Variants in RBFOX1 observed in about 807,000 individuals in gnomAD.
RBFOX1 encodes the protein RNA binding fox-1 homolog 1, also known as RNA binding protein fox-1 homolog 1.
In RBFOX1, 8 loss-of-function variants were observed where a neutral mutation model predicts 57.7. The observed-to-expected ratio is 0.14, with a 90% CI of 0.08 to 0.25. The LOEUF is 0.25. RBFOX1 is among the 10% of genes least tolerant of loss of function. The pLI is 1.00. For synonymous variants in RBFOX1, 326 were observed against 222.4 expected (o/e 1.47, Z -4.15); for missense variants, 611 against 548.5 (o/e 1.11, Z -1.14).
chr16:5,380,624 T>C (rs1156777902), intron 1 of RBFOX1, among the ~76,000 whole-genome samples: 2 of 152,176 alleles, frequency 1.3e-5, no homozygotes, highest in South Asian at 4.1e-4. Flanking sequence ...AGCTAAGCAT[T>C]TTTTAGGCAT....
At chr16:6,150,615 A>G (rs1435208858) in intron 1 of RBFOX1, among the ~76,000 whole-genome samples, 2 of 152,038 alleles carry the variant, frequency 1.3e-5, no homozygotes, top group Non-Finnish European at 2.9e-5. Context: ...TTCTCTGCAT[A>G]TTCTGTTTAT....
chr16:6,940,684 G>A (rs1855835099), intron 3 of RBFOX1, among the ~76,000 whole-genome samples: 3 of 151,840 alleles, frequency 2.0e-5, no homozygotes, highest in South Asian at 4.1e-4. Context: ...TGCAAGCTCC[G>A]CCTCCCGGGT....
chr16:7,030,784 T>G (rs1211039888), intron 3 of RBFOX1, among the ~76,000 whole-genome samples: 1 of 152,194 alleles, frequency 6.6e-6, no homozygotes, highest in Non-Finnish European at 1.5e-5. Context: ...GGGGTCTAAT[T>G]AAGGCCCTCA....
intron 1 of RBFOX1, among the ~76,000 whole-genome samples, chr16:6,238,785 T>C (rs2097524704): frequency 6.6e-6 from 1 of 152,202 alleles, no homozygotes; most frequent in South Asian, 2.1e-4. Context: ...TTTTTGTGGT[T>C]GTATATATTT....
chr16:6,657,858 A>T (rs2098671156), intron 3 of RBFOX1, among the ~76,000 whole-genome samples: 1 of 151,114 alleles, frequency 6.6e-6, no homozygotes, highest in Admixed American at 6.6e-5. Flanking sequence ...TACTTTAGTT[A>T]AGGGAGCTTC....
chr16:6,754,239 T>A (rs1353683246), intron 3 of RBFOX1, among the ~76,000 whole-genome samples: 1 of 152,172 alleles, frequency 6.6e-6, no homozygotes, highest in Non-Finnish European at 1.5e-5. Context: ...ATGACAATGT[T>A]CACCTGCTTT....
At chr16:6,922,645 C>A (rs570684900) in intron 3 of RBFOX1, among the ~76,000 whole-genome samples, 1 of 152,226 alleles carries the variant, frequency 6.6e-6, no homozygotes, top group East Asian at 1.9e-4. Context: ...GTGCAGCCAC[C>A]TGTAAGCCAG....
At chr16:7,255,856 G>A (rs1263822688) in intron 4 of RBFOX1, among the ~76,000 whole-genome samples, 2 of 152,086 alleles carry the variant, frequency 1.3e-5, no homozygotes, top group African/African-American at 4.8e-5. Context: ...TTTCAGATCA[G>A]TCACATTTCA....
At chr16:6,964,288 G>C (rs944049589) in intron 3 of RBFOX1, among the ~76,000 whole-genome samples, 5 of 152,202 alleles carry the variant, frequency 3.3e-5, no homozygotes, top group African/African-American at 1.2e-4. Context: ...CAAAGTGGTG[G>C]GATTATAGGC....
chr16:6,953,890 G>A (rs1276916167), intron 3 of RBFOX1, among the ~76,000 whole-genome samples: 2 of 152,094 alleles, frequency 1.3e-5, no homozygotes, highest in East Asian at 1.9e-4. Flanking sequence ...AGTTGTTGAC[G>A]TAAAGTTTTT....
chr16:7,236,380 A>G (rs1286361065), intron 4 of RBFOX1, among the ~76,000 whole-genome samples: 4 of 152,158 alleles, frequency 2.6e-5, no homozygotes, highest in Non-Finnish European at 5.9e-5. Context: ...TTTTGTCTAG[A>G]GGGGCGTACC....
chr16:7,013,177 C>G (rs760224243), intron 3 of RBFOX1, among the ~76,000 whole-genome samples: 7 of 152,178 alleles, frequency 4.6e-5, no homozygotes, highest in Non-Finnish European at 1.0e-4. Flanking sequence ...CTCTGATACT[C>G]ATTGGCTTTG....
At chr16:6,985,291 C>G (rs776089457) in intron 3 of RBFOX1, among the ~76,000 whole-genome samples, 1 of 152,204 alleles carries the variant, frequency 6.6e-6, no homozygotes, top group Non-Finnish European at 1.5e-5. Context: ...TTTTACATGT[C>G]CTTCAATTAA....
chr16:6,524,700 C>T (rs924951810), intron 2 of RBFOX1, among the ~76,000 whole-genome samples: 1 of 152,186 alleles, frequency 6.6e-6, no homozygotes, highest in South Asian at 2.1e-4. Flanking sequence ...CTGGGCCATG[C>T]TCCCTGTGAG....
intron 3 of RBFOX1, among the ~76,000 whole-genome samples, chr16:6,839,403 G>A (rs940631114): frequency 5.3e-5 from 8 of 152,214 alleles, no homozygotes; most frequent in Non-Finnish European, 1.0e-4. Context: ...CGTCACTGCT[G>A]TGGAAACATC....
chr16:7,193,623 A>G (rs940822018), intron 4 of RBFOX1, among the ~76,000 whole-genome samples: 15 of 152,168 alleles, frequency 9.9e-5, no homozygotes, highest in Non-Finnish European at 2.2e-4. Flanking sequence ...TACATTGTGT[A>G]TTCTGCTTTA....
At chr16:6,803,428 C>T (rs1278424731) in intron 3 of RBFOX1, among the ~76,000 whole-genome samples, 1 of 152,248 alleles carries the variant, frequency 6.6e-6, no homozygotes, top group East Asian at 1.9e-4. Flanking sequence ...GTGAGAGTGG[C>T]GTTCTGGCCT....
intron 4 of RBFOX1, among the ~76,000 whole-genome samples, chr16:5,937,448 G>A (rs549358254): frequency 2.0e-5 from 3 of 152,218 alleles, no homozygotes; most frequent in African/African-American, 7.2e-5. Context: ...TTCTGTTTGG[G>A]AGAGTTAAAG....
At chr16:6,629,195 A>G (rs1658566850) in intron 2 of RBFOX1, among the ~76,000 whole-genome samples, 2 of 152,214 alleles carry the variant, frequency 1.3e-5, no homozygotes, top group South Asian at 2.1e-4. Flanking sequence ...CAGAATTTGT[A>G]ATTGTGATGG....
Sources: gnomAD v4.1 joint callset for allele counts (sites outside exome capture counted in the v4.1 genomes callset) on GRCh38, gnomAD v4.1.1 for gene constraint, MANE v1.5 for transcripts, NCBI Gene and HGNC (gene_info 2026-07-23, HGNC 2026-07-21) for gene names.